DNM3: variants seen among roughly 807,000 people sequenced by gnomAD.
DNM3 encodes the protein dynamin-3.
DNM3 carries 47 observed loss-of-function variants against 101.6 expected under a neutral mutation model. The observed-to-expected ratio is 0.46, with a 90% confidence interval of 0.37 to 0.59. DNM3 has a LOEUF of 0.59. DNM3 is among the 20% of genes least tolerant of loss of function. The probability of loss-of-function intolerance (pLI) is 0.00; values close to 1 mark genes in which losing one functional copy is unlikely to be tolerated. For missense variants in DNM3, 849 were observed against 1,085.7 expected (o/e 0.78, Z 3.06); for synonymous variants, 385 against 387.9 (o/e 0.99, Z 0.09).
chr1:171,873,771 A>G (rs1412923742), intron 1 of DNM3, among the ~76,000 whole-genome samples: 1 of 152,236 alleles, frequency 6.6e-6, no homozygotes, highest in African/African-American at 2.4e-5. Context: ...CCACGAAGTA[A>G]GAAAATACTG....
At chr1:172,044,502 A>G (rs766238898) in intron 9 of DNM3, 50 bp downstream of exon 9, 1 of 1,477,302 alleles carries the variant, frequency 6.8e-7, no homozygotes. Context: ...CCAAAAGAAA[A>G]TTAATGTTTA....
At chr1:172,129,265 T>C (rs2056805475) in intron 13 of DNM3, among the ~76,000 whole-genome samples, 1 of 152,224 alleles carries the variant, frequency 6.6e-6, no homozygotes, top group East Asian at 1.9e-4. Context: ...TGATTGTATG[T>C]GTGCATGCAC....
rs2063907627 is a variant in DNM3, at chr1:172,291,327, G to A, written c.1770-17401G>A. Among the ~76,000 whole-genome samples the A allele has an allele frequency of 6.6e-5, 10 of 152,128 alleles. 1 individual carries two copies. The highest frequency in any genetic ancestry group is 5.9e-4 in the Admixed American group (9 of 15,256). On this transcript the variant is annotated intron_variant, in intron 15 of 20. Coordinates refer to ENST00000627582, the MANE Select transcript of DNM3 (RefSeq NM_015569.5). ...AGATGGCTGCTTTTAAGGCATGCTAGTATACAATATGAATGATCCAAGCAG... is the reference window on the plus strand; with the variant it reads ...AGATGGCTGCTTTTAAGGCATGCTAATATACAATATGAATGATCCAAGCAG...
chr1:172,213,320 G>T (rs772806796), intron 14 of DNM3, among the ~76,000 whole-genome samples: 1 of 151,972 alleles, frequency 6.6e-6, no homozygotes, highest in Non-Finnish European at 1.5e-5. Context: ...AACTGTGTTG[G>T]CATGGTTAAT....
chr1:172,009,504 TTTAA>T (rs1190313216), intron 4 of DNM3, among the ~76,000 whole-genome samples: 3 of 151,694 alleles, frequency 2.0e-5, no homozygotes, highest in African/African-American at 4.8e-5. Context: ...TAAATTAAAA[TTTAA>T]TTAATTAAAA....
chr1:172,285,028 TA>T (rs1290888361), intron 15 of DNM3, among the ~76,000 whole-genome samples: 1 of 152,122 alleles, frequency 6.6e-6, no homozygotes, highest in Non-Finnish European at 1.5e-5. Flanking sequence ...GTCAGGGGAA[TA>T]GAGGCAACAA....
chr1:172,256,030 CTGA>C (rs1261925331), intron 15 of DNM3, among the ~76,000 whole-genome samples: 1 of 152,092 alleles, frequency 6.6e-6, no homozygotes, highest in Non-Finnish European at 1.5e-5. Flanking sequence ...AATAGACCTT[CTGA>C]TGTTAAACCA....
chr1:172,319,397 TTAAAC>T (rs1423356119), intron 16 of DNM3, among the ~76,000 whole-genome samples: 7 of 152,276 alleles, frequency 4.6e-5, no homozygotes, highest in African/African-American at 1.2e-4. Flanking sequence ...TGAGATCTAA[TTAAAC>T]TAAAGAGTTT....
intron 1 of DNM3, among the ~76,000 whole-genome samples, chr1:171,879,806 G>A (rs191821361): frequency 4.8e-4 from 73 of 152,346 alleles, no homozygotes; most frequent in African/African-American, 1.7e-3. Context: ...TACTTTAGCT[G>A]TGATTCAGGG....
intron 17 of DNM3, among the ~76,000 whole-genome samples, chr1:172,352,804 G>A (rs1041876948): frequency 1.3e-4 from 20 of 152,150 alleles, no homozygotes; most frequent in African/African-American, 4.8e-4. Flanking sequence ...CTCTCTGGAA[G>A]ACCCATATGC....
intron 15 of DNM3, among the ~76,000 whole-genome samples, chr1:172,293,620 TC>T (rs905162730): frequency 1.3e-5 from 2 of 152,158 alleles, no homozygotes; most frequent in African/African-American, 4.8e-5. Context: ...TTATGAGACT[TC>T]CAGTAAATCA....
intron 13 of DNM3, among the ~76,000 whole-genome samples, chr1:172,096,123 C>G (rs1312411980): frequency 2.0e-5 from 3 of 152,202 alleles, no homozygotes; most frequent in Non-Finnish European, 4.4e-5. Flanking sequence ...ACTGAAACAT[C>G]ACTTCTGCAA....
At chr1:171,912,974 A>G (rs1352270061) in intron 1 of DNM3, among the ~76,000 whole-genome samples, 1 of 152,266 alleles carries the variant, frequency 6.6e-6, no homozygotes, top group Non-Finnish European at 1.5e-5. Flanking sequence ...GGACTCATTC[A>G]TCTGGTGCTT....
intron 17 of DNM3, among the ~76,000 whole-genome samples, chr1:172,336,299 A>C (rs2066424445): frequency 6.6e-6 from 1 of 152,166 alleles, no homozygotes; most frequent in Non-Finnish European, 1.5e-5. Flanking sequence ...GATTAAACCC[A>C]GGGTTAAGTC....
chr1:171,953,420 C>CTT (rs749644835), intron 2 of DNM3, among the ~76,000 whole-genome samples: 7 of 129,008 alleles, frequency 5.4e-5, no homozygotes, highest in African/African-American at 5.6e-5. Flanking sequence ...ATGCGCAATT[C>CTT]TTTTTTTTTT....
chr1:171,841,779 C>A lies in DNM3; in HGVS notation c.123C>A (p.Ser41Arg), dbSNP rs1370033816. The A allele has an allele frequency of 2.5e-6, 4 of 1,610,184 alleles. No individual in the cohort carries two copies. The highest frequency in any genetic ancestry group is 3.4e-6 in the Non-Finnish European group (4 of 1,179,242). ...AGATCGCCGTGGTGGGCGGCCAGAGCGCCGGCAAGAGCTCGGTGCTCGAGA... is the reference window on the plus strand; with the variant it reads ...AGATCGCCGTGGTGGGCGGCCAGAGAGCCGGCAAGAGCTCGGTGCTCGAGA... ...LPQIAVVGGQ[S>R]AGKSSVLENF... is the part of the protein sequence containing the mutation. Residue 41 changes from serine to arginine, a missense_variant, in exon 1 of 21, where the codon AGC becomes AGA. Transcript: ENST00000627582.
chr1:172,010,613 ATTTT>A (rs749047166), intron 4 of DNM3, among the ~76,000 whole-genome samples: 5 of 47,196 alleles, frequency 1.1e-4, no homozygotes, highest in African/African-American at 3.2e-4. Context: ...TATTATGGCT[ATTTT>A]TTTTTTTTTT....
At chr1:172,204,695 G>A (rs1276136030) in intron 14 of DNM3, among the ~76,000 whole-genome samples, 1 of 152,058 alleles carries the variant, frequency 6.6e-6, no homozygotes, top group Admixed American at 6.6e-5. Flanking sequence ...TATTAAACTT[G>A]CCTTCAAATC....
intron 13 of DNM3, among the ~76,000 whole-genome samples, chr1:172,128,730 GCTACCGGCTACA>G (rs2056775481): frequency 6.6e-6 from 1 of 152,090 alleles, no homozygotes; most frequent in Non-Finnish European, 1.5e-5. Flanking sequence ...GTGGTTAGTG[GCTACCGGCTACA>G]CTATCACCTA....
Sources: allele counts gnomAD v4.1 joint callset (sites outside exome capture counted in the v4.1 genomes callset), GRCh38; gene constraint gnomAD v4.1.1; transcripts MANE v1.5; gene names NCBI Gene and HGNC (gene_info 2026-07-23, HGNC 2026-07-21).